The following FAM171A1 variants were observed in gnomAD, a reference collection of about 807,000 sequenced individuals.
FAM171A1 encodes the protein protein FAM171A1.
A neutral mutation model predicts 74.9 loss-of-function variants in FAM171A1; 23 were observed. That is an observed-to-expected ratio of 0.31 (90% confidence interval 0.22 to 0.44). The LOEUF (loss-of-function observed/expected upper bound fraction) is 0.44, where lower values mean the gene tolerates loss of function less well. FAM171A1 is among the 20% of genes least tolerant of loss of function. FAM171A1 has a pLI of 1.00. For missense variants in FAM171A1, 1,162 were observed against 1,159.2 expected (o/e 1.00, Z -0.03); for synonymous variants, 527 against 505.7 (o/e 1.04, Z -0.57).
chr10:15,352,679 G>A (rs544244757), intron 1 of FAM171A1, among the ~76,000 whole-genome samples: 37 of 152,282 alleles, frequency 2.4e-4, no homozygotes, highest in South Asian at 6.2e-4. Flanking sequence ...AGTACACAAC[G>A]AAAGTCTTTT....
chr10:15,337,591 C>T (rs1382481020), intron 1 of FAM171A1, among the ~76,000 whole-genome samples: 1 of 151,926 alleles, frequency 6.6e-6, no homozygotes, highest in African/African-American at 2.4e-5. Flanking sequence ...CACGTGTAAT[C>T]CCAGCGCTTT....
At chr10:15,362,937 C>A (rs913459910) in intron 1 of FAM171A1, among the ~76,000 whole-genome samples, 12 of 152,170 alleles carry the variant, frequency 7.9e-5, no homozygotes, top group African/African-American at 2.9e-4. Context: ...GCAAAATAAT[C>A]AAGCTTATGC....
At chr10:15,338,873 T>C (rs983639371) in intron 1 of FAM171A1, among the ~76,000 whole-genome samples, 2 of 152,214 alleles carry the variant, frequency 1.3e-5, no homozygotes, top group African/African-American at 2.4e-5. Context: ...CCCAAGTAGC[T>C]GGGATCACAG....
At chr10:15,296,530 G>A (rs1053842858) in intron 1 of FAM171A1, among the ~76,000 whole-genome samples, 2 of 152,084 alleles carry the variant, frequency 1.3e-5, no homozygotes, top group Admixed American at 6.6e-5. Context: ...ATGTTCCTCC[G>A]CAAAGACCAA....
chr10:15,283,936 G>A lies in FAM171A1; in HGVS notation c.267C>T (p.Thr89=), dbSNP rs150811432. Residue 89 remains threonine (T), a synonymous_variant, in exon 2 of 8, where the codon ACC becomes ACT. Transcript: ENST00000378116. ...QYKLGSQLIV[T]ASKHAYVPNS... is the part of the protein sequence containing the mutation. ...TTGGCACGTAGGCATGCTTCGAGGC[G>A]GTGACAATCAACTGACTGCCCAGCT... 24 of 1,614,014 alleles carry A rather than the reference G, an allele frequency of 1.5e-5. No individual in the cohort carries two copies. The highest frequency in any genetic ancestry group is 2.7e-5 in the African/African-American group (2 of 74,908).
intron 1 of FAM171A1, among the ~76,000 whole-genome samples, chr10:15,350,965 C>T (rs1835870184): frequency 6.6e-6 from 1 of 152,058 alleles, no homozygotes; most frequent in African/African-American, 2.4e-5. Context: ...ATGATTAATT[C>T]TTAGCCCTCA....
At chr10:15,342,141 C>G (rs11259614) in intron 1 of FAM171A1, among the ~76,000 whole-genome samples, 17,031 of 152,218 alleles carry the variant, frequency 0.11, 2,040 homozygotes, top group African/African-American at 0.3. Flanking sequence ...AAGCAATCTA[C>G]GGGCAAGCCA....
At chr10:15,216,370 C>A (rs1588492193) in intron 6 of FAM171A1, among the ~76,000 whole-genome samples, 2 of 152,284 alleles carry the variant, frequency 1.3e-5, no homozygotes, top group Middle Eastern at 6.8e-3. Flanking sequence ...AAGGGCCCCT[C>A]CTAAGCGGAG....
chr10:15,333,915 C>T (rs747035044), intron 1 of FAM171A1, among the ~76,000 whole-genome samples: 2 of 152,076 alleles, frequency 1.3e-5, no homozygotes, highest in African/African-American at 2.4e-5. Context: ...CTTTTCCCTG[C>T]TCCTTTTGGG....
At chr10:15,311,488 T>C (rs1285073059) in intron 1 of FAM171A1, among the ~76,000 whole-genome samples, 1 of 152,184 alleles carries the variant, frequency 6.6e-6, no homozygotes, top group Non-Finnish European at 1.5e-5. Context: ...ATGCTTTTGT[T>C]TCCTCCTTCA....
chr10:15,357,143 C>A (rs1170154211), intron 1 of FAM171A1, among the ~76,000 whole-genome samples: 1 of 148,498 alleles, frequency 6.7e-6, no homozygotes, highest in African/African-American at 2.5e-5. Flanking sequence ...ATTAGCCAGG[C>A]ATGGTGGCGG....
chr10:15,273,843 G>A (rs1834858987), intron 3 of FAM171A1, among the ~76,000 whole-genome samples: 1 of 152,274 alleles, frequency 6.6e-6, no homozygotes, highest in South Asian at 2.1e-4. Flanking sequence ...AGCCCTTCAT[G>A]CTAAAAACTC....
intron 1 of FAM171A1, among the ~76,000 whole-genome samples, chr10:15,370,105 T>TA (rs1836117510): frequency 6.6e-6 from 1 of 151,320 alleles, no homozygotes; most frequent in Non-Finnish European, 1.5e-5. Flanking sequence ...ACGCTGATTT[T>TA]AAAAACAAAA....
chr10:15,303,004 T>C (rs4748155), intron 1 of FAM171A1, among the ~76,000 whole-genome samples: 47,938 of 151,890 alleles, frequency 0.32, 7,947 homozygotes, highest in African/African-American at 0.41. Context: ...GCCTGGCCAA[T>C]ATGGTGAAAC....
intron 6 of FAM171A1, among the ~76,000 whole-genome samples, chr10:15,220,558 G>C (rs1241988939): frequency 1.3e-5 from 2 of 152,160 alleles, no homozygotes. Flanking sequence ...GCCCCCAGTG[G>C]TGACTTCCCA....
rs185645283 is a variant in FAM171A1, at chr10:15,302,380, G to C, written c.98-18275C>G. Reference sequence around the variant, plus strand: ...CTTGGGATGCTGAGGCAGCAGAATTGCTTGAACACAGGAGGCGGAGGTCGC... The same window carrying C: ...CTTGGGATGCTGAGGCAGCAGAATTCCTTGAACACAGGAGGCGGAGGTCGC... On this transcript the variant is annotated intron_variant, in intron 1 of 7. Transcript: ENST00000378116. Among the ~76,000 whole-genome samples the C allele has an allele frequency of 5.9e-5, 9 of 152,140 alleles. No individual in the cohort carries two copies. In the East Asian group the frequency reaches 1.7e-3, roughly 29 times the overall value.
rs944177117 is a variant in FAM171A1, at chr10:15,235,047, C to T, written c.754+13592G>A. On this transcript the variant is annotated intron_variant, in intron 5 of 7. Transcript: ENST00000378116. ...CCCCTATGCCGGGCGTGGTGTCTCA[C>T]GCCTGTAATCTCTGCACTTTGGGAG... is the stretch of plus-strand genomic sequence containing the variant. Among the ~76,000 whole-genome samples the T allele has an allele frequency of 7.2e-5, 11 of 152,224 alleles. No individual in the cohort carries two copies. In the East Asian group the frequency reaches 1.2e-3, roughly 16 times the overall value.
intron 4 of FAM171A1, among the ~76,000 whole-genome samples, chr10:15,252,221 G>C (rs1834518378): frequency 1.3e-5 from 2 of 152,156 alleles, no homozygotes; most frequent in South Asian, 4.1e-4. Context: ...GGGCCCCCAA[G>C]AGCTAGAAAG....
chr10:15,360,194 A>G (rs1042739567), intron 1 of FAM171A1, among the ~76,000 whole-genome samples: 9 of 152,196 alleles, frequency 5.9e-5, no homozygotes, highest in Non-Finnish European at 1.0e-4. Flanking sequence ...TGGCTTCCCA[A>G]AGTTTTGAGA....
Sources: gnomAD v4.1 joint callset for allele counts (sites outside exome capture counted in the v4.1 genomes callset) on GRCh38, gnomAD v4.1.1 for gene constraint, MANE v1.5 for transcripts, NCBI Gene and HGNC (gene_info 2026-07-23, HGNC 2026-07-21) for gene names.